CAMKK2: variants seen among roughly 807,000 people sequenced by gnomAD.
CAMKK2 encodes the protein calcium/calmodulin dependent protein kinase kinase 2.
CAMKK2 carries 30 observed loss-of-function variants against 67.2 expected under a neutral mutation model. The ratio of observed to expected loss-of-function variants is 0.45; its 90% CI spans 0.33 to 0.61. CAMKK2 has a LOEUF of 0.61. CAMKK2 is among the 20% of genes least tolerant of loss of function. CAMKK2 has a pLI of 0.02. For synonymous variants in CAMKK2, 322 were observed against 326.2 expected, an observed-to-expected ratio of 0.99 and a Z score of 0.14; for missense variants, 643 against 802.0, an observed-to-expected ratio of 0.80 and a Z score of 2.39.
chr12:121,297,642 G>C (rs779943523), upstream of CAMKK2: 11 of 517,562 alleles, frequency 2.1e-5, no homozygotes, highest in Admixed American at 1.8e-4. Context: ...ACCGTCCTAC[G>C]GGGTCGAGCG....
chr12:121,255,759 C>G lies in CAMKK2; in HGVS notation c.818+24G>C, dbSNP rs770289111. On this transcript the variant is annotated intron_variant, in intron 8 of 16. Transcript: ENST00000404169. ...AGCTACAGAAGCTTCTTGCATCACC[C>G]CTGCTGGGAGCTGGGACACTCACCC... is the stretch of plus-strand genomic sequence containing the variant. 6 of 1,613,760 alleles carry G rather than the reference C, an allele frequency of 3.7e-6. No homozygotes were observed. In the East Asian group the frequency reaches 1.3e-4, roughly 36 times the overall value.
In CAMKK2 at chr12:121,238,718, AG is replaced by A. The variant is rs145160159; in HGVS notation, c.*1980del. On this transcript the variant is annotated 3_prime_UTR_variant, in exon 17 of 17. Coordinates refer to ENST00000404169, the MANE Select transcript of CAMKK2 (RefSeq NM_001270485.2). ...CTGATGCAGCTGTGTAAACAAGAGA[AG>A]CCCTGCAGAAGCTCTAAGCACTGCT... 1,761 of 152,802 alleles carry A rather than the reference AG, an allele frequency of 0.012. 49 individuals are homozygous for A. The highest frequency in any genetic ancestry group is 0.065 in the Admixed American group (1,000 of 15,308). 9.5% of individuals were successfully genotyped at this position (152,802 alleles called of 1,614,324 possible).
intron 1 of CAMKK2, among the ~76,000 whole-genome samples, chr12:121,275,322 A>G (rs1168225425): frequency 6.6e-6 from 1 of 151,994 alleles, no homozygotes; most frequent in African/African-American, 2.4e-5. Flanking sequence ...CATCTCTACT[A>G]AAAATACAAA....
At chr12:121,260,253 A>G (rs1893167889) in intron 7 of CAMKK2, 66 bp downstream of exon 7, 1 of 1,394,936 alleles carries the variant, frequency 7.2e-7, no homozygotes, top group Non-Finnish European at 9.8e-7. Context: ...CTGCCTCGAG[A>G]GGACCCCTGG....
At position 121,259,602 on chromosome 12, in the gene CAMKK2, GC is replaced by G. The variant is rs1893035189; in HGVS notation, c.796+716del. ...ATTTGCCTACTATGTTTATAATCTG[GC>G]CATACCTATATGCCACATCAATTAT... On this transcript the variant is annotated intron_variant, in intron 7 of 16. Transcript: ENST00000404169. 3.3e-5 allele frequency among the ~76,000 whole-genome samples: 5 copies of G among 152,066 alleles called. No homozygotes were observed. The South Asian group carries it at 6.2e-4, about 19-fold the overall frequency.
In CAMKK2 at chr12:121,285,878, G is replaced by T. The variant is rs1381696143; in HGVS notation, c.-60+10760C>A. Among the ~76,000 whole-genome samples the T allele has an allele frequency of 6.6e-6, 1 of 152,148 alleles. No homozygotes were observed. The highest frequency in any genetic ancestry group is 1.5e-5 in the Non-Finnish European group (1 of 68,022). On this transcript the variant is annotated intron_variant, in intron 1 of 16. Coordinates refer to ENST00000404169, the MANE Select transcript of CAMKK2 (RefSeq NM_001270485.2). The surrounding 1 kb of genome is among the most constrained non-coding windows in gnomAD (Gnocchi z 4.1). Reference sequence around the variant, plus strand: ...TCTTATTCTGTGATTTTGTGGAAGTGTTGAAAAGAAAGAATGTCCTTTCTG... The same window carrying T: ...TCTTATTCTGTGATTTTGTGGAAGTTTTGAAAAGAAAGAATGTCCTTTCTG...
Position 121,274,132 on chromosome 12 carries a change from C to A in CAMKK2, c.395G>T (p.Ser132Ile), listed in dbSNP as rs763171097. The A allele has an allele frequency of 2.5e-6, 4 of 1,579,832 alleles. No homozygotes were observed. The highest frequency in any genetic ancestry group is 1.1e-5 in the South Asian group (1 of 87,106). ...CAGCCGAGGCGAGGACTGCGGGGAG[C>A]TGACGGGTGAGTAGGGCAGGGACGG... ...ICPSLPYSPV[S>I]SPQSSPRLPR... The change falls in exon 2 of 17, where the codon AGC becomes ATC. Residue 132 changes from serine (S) to isoleucine (I), a missense_variant. Ser to Ile is a moderately radical substitution (Grantham distance 142). Coordinates refer to ENST00000404169, the MANE Select transcript of CAMKK2 (RefSeq NM_001270485.2).
chr12:121,256,518 A>G (rs1892330171), intron 7 of CAMKK2, among the ~76,000 whole-genome samples: 1 of 152,208 alleles, frequency 6.6e-6, no homozygotes, highest in African/African-American at 2.4e-5. Flanking sequence ...CATCACCTCA[A>G]AAGAAAACCT....
intron 1 of CAMKK2, among the ~76,000 whole-genome samples, chr12:121,289,763 C>T (rs1199812694): frequency 4.6e-5 from 7 of 152,038 alleles, no homozygotes; most frequent in Non-Finnish European, 4.4e-5. Flanking sequence ...CGTGATGGGA[C>T]GTGCCTGTAA....
At chr12:121,251,384 T>A (rs140591396) in intron 11 of CAMKK2, among the ~76,000 whole-genome samples, 1 of 152,270 alleles carries the variant, frequency 6.6e-6, no homozygotes, top group African/African-American at 2.4e-5. Context: ...AATTTTCTAA[T>A]CAAATATTGA....
chr12:121,256,093 G>A (rs1488110078), intron 7 of CAMKK2, among the ~76,000 whole-genome samples: 1 of 152,194 alleles, frequency 6.6e-6, no homozygotes, highest in Non-Finnish European at 1.5e-5. Flanking sequence ...AACACGGCAG[G>A]GGGCTGGGCA....
rs551593723 is a variant in CAMKK2, at chr12:121,238,966, G to A, written c.*1733C>T. 2.6e-5 allele frequency: 4 copies of A among 152,676 alleles called. No homozygotes were observed. The highest frequency in any genetic ancestry group is 5.9e-5 in the Non-Finnish European group (4 of 68,068). The allele number at this position is 152,676 out of a possible 1,614,324, so 9.5% of individuals were successfully genotyped here. A position where few individuals can be genotyped will look rare whatever the true frequency, so the allele number is the denominator to read the frequency against. ...TTACAAAGACCCAGCAAGCAGGCCA[G>A]ACGACCCTCTCTAGACTACCTGTCC... On this transcript the variant is annotated 3_prime_UTR_variant, in exon 17 of 17. Coordinates refer to ENST00000404169, the MANE Select transcript of CAMKK2 (RefSeq NM_001270485.2).
rs1418764239 is a variant in CAMKK2 at position 121,274,179 on chromosome 12, G to A, written c.348C>T (p.Asp116=). The change falls in exon 2 of 17, where the codon GAC becomes GAT. Residue 116 remains aspartate (D), a synonymous_variant. Transcript: ENST00000404169. The part of the protein sequence containing the change: ...QGGLAAGGSL[D]MNGRCICPSL... ...ACGGGCAGATGCAGCGTCCGTTCAT[G>A]TCCAGGCTGCCACCGGCTGCCAGCC... The A allele has an allele frequency of 6.2e-7, 1 of 1,601,020 alleles. No individual in the cohort carries two copies. The highest frequency in any genetic ancestry group is 1.7e-5 in the Admixed American group (1 of 58,832).
intron 7 of CAMKK2, among the ~76,000 whole-genome samples, chr12:121,258,675 C>T (rs574448138): frequency 7.2e-5 from 11 of 152,258 alleles, no homozygotes; most frequent in African/African-American, 2.6e-4. Flanking sequence ...ATTAGCATGG[C>T]TTTCTGCAAC....
chr12:121,281,129 CTTTA>C (rs1033920241), intron 1 of CAMKK2, among the ~76,000 whole-genome samples: 1 of 152,250 alleles, frequency 6.6e-6, no homozygotes, highest in African/African-American at 2.4e-5. Flanking sequence ...TACTCTGTCC[CTTTA>C]TTTCTCAAGC....
chr12:121,256,854 T>C (rs1892390307), intron 7 of CAMKK2, among the ~76,000 whole-genome samples: 3 of 152,214 alleles, frequency 2.0e-5, no homozygotes, highest in Non-Finnish European at 4.4e-5. Flanking sequence ...TGGGAAGTGC[T>C]GCAATGAACG....
At chr12:121,271,526 A>G (rs542100856) in intron 2 of CAMKK2, among the ~76,000 whole-genome samples, 1 of 152,302 alleles carries the variant, frequency 6.6e-6, no homozygotes, top group East Asian at 1.9e-4. Context: ...TCCTACTTTT[A>G]AAAAGTAAAT....
intron 2 of CAMKK2, among the ~76,000 whole-genome samples, chr12:121,271,412 CACT>C (rs1895745979): frequency 6.6e-6 from 1 of 152,050 alleles, no homozygotes; most frequent in African/African-American, 2.4e-5. Context: ...CCCAGGTGGC[CACT>C]CTCTTGACTT....
Position 121,252,703 on chromosome 12 carries a change from A to G in CAMKK2, c.1119T>C (p.Val373=), listed in dbSNP as rs758989134. 18 of 1,614,090 alleles carry G rather than the reference A, an allele frequency of 1.1e-5. No individual in the cohort carries two copies. The African/African-American group carries it at 1.6e-4, about 14-fold the overall frequency. ...AGTATAGTGTCACACCCATGGCCCA[A>G]ACATCCAAGGCCTGCAAGAAAAAGA... is the stretch of plus-strand genomic sequence containing the variant. ...RKIFSGKALD[V]WAMGVTLYCF... The change falls in exon 11 of 17, where the codon GTT becomes GTC. Residue 373 remains valine (V), a synonymous_variant. Coordinates refer to ENST00000404169, the MANE Select transcript of CAMKK2 (RefSeq NM_001270485.2).
Sources: gnomAD v4.1 joint callset for allele counts (sites outside exome capture counted in the v4.1 genomes callset) on GRCh38, gnomAD v4.1.1 for gene constraint, Gnocchi (gnomAD v3.1) non-coding constraint, MANE v1.5 for transcripts, NCBI Gene and HGNC (gene_info 2026-07-23, HGNC 2026-07-21) for gene names.